Variants in ZNF599 observed in about 807,000 individuals in gnomAD.
ZNF599 encodes zinc finger protein 599.
ZNF599 carries 10 observed loss-of-function variants against 11.7 expected under a neutral mutation model. The ratio of observed to expected loss-of-function variants is 0.86; its 90% CI spans 0.53 to 1.45. The LOEUF is 1.45. Among genes scored for constraint, ZNF599 ranks in the 40% most tolerant of loss-of-function variants. The pLI is 0.00. For synonymous variants in ZNF599, 232 were observed against 253.2 expected (o/e 0.92, Z 0.79); for missense variants, 688 against 713.6 (o/e 0.96, Z 0.41).
rs1401419903 is a variant in ZNF599 at position 34,760,565 on chromosome 19, G to A, written c.242-6C>T. 1.3e-6 allele frequency: 2 copies of A among 1,582,206 alleles called. No individual in the cohort carries two copies. The highest frequency in any genetic ancestry group is 1.2e-5 in the South Asian group (1 of 85,738). ...CTTGGGTTTTGCTTTTTCACCTGAA[G>A]GAAATCCAATATAAAAAAAACTGAA... On this transcript the variant is annotated splice_region_variant and splice_polypyrimidine_tract_variant and intron_variant, in intron 3 of 3. Coordinates refer to ENST00000329285, the MANE Select transcript of ZNF599 (RefSeq NM_001007248.3).
chr19:34,803,677 A>T, the ZNF599 span, among the ~76,000 whole-genome samples: 1 of 152,136 alleles, frequency 6.6e-6, no homozygotes, highest in East Asian at 1.9e-4. Flanking sequence ...AACAATAAGA[A>T]GCAGGTGGGC....
Position 34,760,378 on chromosome 19 carries a change from G to A in ZNF599, c.423C>T (p.Pro141=), listed in dbSNP as rs2145449863. Residue 141 remains proline, a synonymous_variant, in exon 4 of 4, where the codon CCC becomes CCT. Transcript: ENST00000329285. ...QEGNLRPGTN[P]HKEICPEKLS... Reference sequence around the variant, plus strand: ...ACTTCTCAGGGCATATCTCTTTGTGGGGGTTTGTTCCTGGCCTCAAGTTCC... The same window carrying A: ...ACTTCTCAGGGCATATCTCTTTGTGAGGGTTTGTTCCTGGCCTCAAGTTCC... 2.5e-6 allele frequency: 4 copies of A among 1,613,996 alleles called. No homozygotes were observed. The South Asian group carries it at 4.4e-5, about 18-fold the overall frequency.
intron 3 of ZNF599, among the ~76,000 whole-genome samples, chr19:34,766,164 C>T (rs1354486826): frequency 6.6e-6 from 1 of 152,020 alleles, no homozygotes; most frequent in Non-Finnish European, 1.5e-5. Flanking sequence ...GGGGTGAAGG[C>T]TGACTGAGCA....
chr19:34,803,199 C>T, the ZNF599 span, among the ~76,000 whole-genome samples: 1 of 152,106 alleles, frequency 6.6e-6, no homozygotes, highest in Admixed American at 6.5e-5. Context: ...GAGGATAGGA[C>T]AGTGCAATGG....
chr19:34,778,302 A>G, the ZNF599 span, among the ~76,000 whole-genome samples: 3 of 151,628 alleles, frequency 2.0e-5, no homozygotes, highest in Non-Finnish European at 4.4e-5. Flanking sequence ...GTACCCTAGA[A>G]CTTAAAGTAT....
chr19:34,766,280 A>C (rs2069142383), intron 3 of ZNF599, among the ~76,000 whole-genome samples: 2 of 152,164 alleles, frequency 1.3e-5, no homozygotes, highest in South Asian at 4.1e-4. Flanking sequence ...GGACTGACAA[A>C]GGCAATCATC....
At position 34,758,953 on chromosome 19, in the gene ZNF599, G is replaced by A; in HGVS notation, c.*81C>T. On this transcript the variant is annotated 3_prime_UTR_variant, in exon 4 of 4. Transcript: ENST00000329285. ...TCTGGCCAAAATATTTCCCTCAATA[G>A]TTATACTCAAAAGGAAAGGTATGTC... 1 of 1,413,246 alleles carries A rather than the reference G, an allele frequency of 7.1e-7. No homozygotes were observed. The highest frequency in any genetic ancestry group is 9.6e-7 in the Non-Finnish European group (1 of 1,039,712). The allele number at this position is 1,413,246 out of a possible 1,614,324, so 87.5% of individuals were successfully genotyped here. A position where few individuals can be genotyped will look rare whatever the true frequency, so the allele number is the denominator to read the frequency against.
chr19:34,807,152 C>T, the ZNF599 span, among the ~76,000 whole-genome samples: 2 of 152,352 alleles, frequency 1.3e-5, no homozygotes, highest in East Asian at 1.9e-4. Context: ...CTGTGACTCA[C>T]CACACTGGCT....
chr19:34,796,238 C>T, the ZNF599 span, among the ~76,000 whole-genome samples: 32 of 152,112 alleles, frequency 2.1e-4, no homozygotes, highest in South Asian at 1.7e-3. Flanking sequence ...TAATCCTGGA[C>T]AGGTATACCC....
chr19:34,777,258 TA>T (rs1219774679), upstream of ZNF599, among the ~76,000 whole-genome samples: 594 of 125,696 alleles, frequency 4.7e-3, 1 homozygote, highest in Non-Finnish European at 6.0e-3. Flanking sequence ...AAATATATAT[TA>T]TATATATCCA....
chr19:34,768,910 AT>A (rs2069163274), intron 2 of ZNF599, among the ~76,000 whole-genome samples: 1 of 152,196 alleles, frequency 6.6e-6, no homozygotes, highest in Non-Finnish European at 1.5e-5. Context: ...CATAATCATA[AT>A]CATCTCCTGT....
chr19:34,801,989 G>A, the ZNF599 span, among the ~76,000 whole-genome samples: 2 of 152,182 alleles, frequency 1.3e-5, no homozygotes, highest in Non-Finnish European at 2.9e-5. Context: ...CACAGGGGTG[G>A]GCTTTCTGAG....
At position 34,773,126 on chromosome 19, in the gene ZNF599, C is replaced by T. The variant is rs2290653; in HGVS notation, c.-285G>A. ...CTCACTGTCCGTCTCTACTCGGTCT[C>T]GAAAAGTGGCCCCTGTCTGGCGTTC... On this transcript the variant is annotated 5_prime_UTR_variant, in exon 1 of 4. Coordinates refer to ENST00000329285, the MANE Select transcript of ZNF599 (RefSeq NM_001007248.3). 1.7e-3 allele frequency: 709 copies of T among 405,762 alleles called. 11 individuals carry two copies. The East Asian group carries it at 0.025, about 14-fold the overall frequency. The allele number at this position is 405,762 out of a possible 1,614,324, so 25.1% of individuals were successfully genotyped here. A position where few individuals can be genotyped will look rare whatever the true frequency, so the allele number is the denominator to read the frequency against.
At chr19:34,798,695 C>T in the ZNF599 span, among the ~76,000 whole-genome samples, 2 of 152,212 alleles carry the variant, frequency 1.3e-5, no homozygotes, top group African/African-American at 4.8e-5. Flanking sequence ...CCCTCTACTC[C>T]CTCTGTGAAG....
intron 1 of ZNF599, among the ~76,000 whole-genome samples, chr19:34,771,629 G>A (rs1343916975): frequency 6.6e-6 from 1 of 152,196 alleles, no homozygotes; most frequent in Non-Finnish European, 1.5e-5. Context: ...CAGGAGAGAA[G>A]AATGGCAGGG....
the ZNF599 span, among the ~76,000 whole-genome samples, chr19:34,778,357 C>G: frequency 6.6e-6 from 1 of 150,600 alleles, no homozygotes; most frequent in Non-Finnish European, 1.5e-5. Flanking sequence ...AGAAAAGAAA[C>G]AAAATGATTC....
chr19:34,785,556 T>C, the ZNF599 span, among the ~76,000 whole-genome samples: 5 of 152,132 alleles, frequency 3.3e-5, no homozygotes, highest in East Asian at 1.9e-4. Flanking sequence ...CCAGTGATGA[T>C]GGAAAGGGGA....
chr19:34,786,814 C>T, the ZNF599 span, among the ~76,000 whole-genome samples: 5 of 152,286 alleles, frequency 3.3e-5, no homozygotes, highest in East Asian at 9.6e-4. Flanking sequence ...ATTCCTTGAC[C>T]TTCCTGCCTC....
chr19:34,780,370 G>A, the ZNF599 span, among the ~76,000 whole-genome samples: 2,073 of 152,158 alleles, frequency 0.014, 41 homozygotes, highest in South Asian at 0.083. Context: ...TAAGCTGGGT[G>A]TGGTAGTGTG....
Sources: gnomAD v4.1 joint callset for allele counts (sites outside exome capture counted in the v4.1 genomes callset) on GRCh38, gnomAD v4.1.1 for gene constraint, MANE v1.5 for transcripts, NCBI Gene and HGNC (gene_info 2026-07-23, HGNC 2026-07-21) for gene names.